Variants in TAFA2 observed in about 807,000 individuals in gnomAD.
The protein encoded by TAFA2 is chemokine-like protein TAFA-2.
Under a neutral mutation model 18.8 loss-of-function variants are expected in TAFA2, and 7 were observed. That is an observed-to-expected ratio of 0.37 (90% confidence interval 0.21 to 0.70). The LOEUF (loss-of-function observed/expected upper bound fraction) is 0.70, where lower values mean the gene tolerates loss of function less well. TAFA2 is among the 30% of genes least tolerant of loss of function. The probability of loss-of-function intolerance (pLI) is 0.53; values close to 1 mark genes in which losing one functional copy is unlikely to be tolerated. For missense variants in TAFA2, 122 were observed against 158.1 expected, an observed-to-expected ratio of 0.77 and a Z score of 1.23; for synonymous variants, 60 against 54.2, an observed-to-expected ratio of 1.11 and a Z score of -0.47.
At chr12:61,922,897 C>T (rs555878225) in intron 1 of TAFA2, among the ~76,000 whole-genome samples, 10 of 152,246 alleles carry the variant, frequency 6.6e-5, no homozygotes, top group South Asian at 4.1e-4. Flanking sequence ...CTGGGACGCT[C>T]GAGCTTGGTG....
intron 2 of TAFA2, among the ~76,000 whole-genome samples, chr12:61,795,231 T>C (rs1341441323): frequency 3.9e-5 from 6 of 152,258 alleles, no homozygotes; most frequent in Admixed American, 6.5e-5. Context: ...CATTACTGGG[T>C]ATATACCCAA....
At chr12:62,115,378 G>A (rs550829096) in intron 1 of TAFA2, among the ~76,000 whole-genome samples, 1 of 152,008 alleles carries the variant, frequency 6.6e-6, no homozygotes, top group African/African-American at 2.4e-5. Flanking sequence ...ATATTACAGC[G>A]CTATGGTAAG....
At chr12:62,027,320 T>A (rs571205807) in intron 1 of TAFA2, among the ~76,000 whole-genome samples, 1 of 152,174 alleles carries the variant, frequency 6.6e-6, no homozygotes, top group South Asian at 2.1e-4. Flanking sequence ...AACATAATAT[T>A]CACAGTCAAA....
At chr12:61,756,893 G>A (rs754713153) in intron 2 of TAFA2, among the ~76,000 whole-genome samples, 10 of 152,070 alleles carry the variant, frequency 6.6e-5, no homozygotes, top group African/African-American at 1.2e-4. Context: ...AGGTCATGAA[G>A]TAGGGGGAAG....
chr12:61,894,138 T>A (rs1311411164), intron 1 of TAFA2, among the ~76,000 whole-genome samples: 3 of 152,252 alleles, frequency 2.0e-5, no homozygotes, highest in Non-Finnish European at 2.9e-5. Context: ...ATAGTATTTA[T>A]CTTAGTTTCC....
chr12:62,024,102 T>A (rs186621774), intron 1 of TAFA2, among the ~76,000 whole-genome samples: 1 of 152,304 alleles, frequency 6.6e-6, no homozygotes, highest in Admixed American at 6.5e-5. Context: ...CATTTGGAGA[T>A]ATTTTCTGCA....
chr12:61,880,322 AC>A, intron 1 of TAFA2: 1 of 484,514 alleles, frequency 2.1e-6, no homozygotes. Flanking sequence ...CCTGGAGGCC[AC>A]CATCACAGAT....
chr12:61,747,552 C>T (rs1279873391), intron 4 of TAFA2, among the ~76,000 whole-genome samples: 3 of 150,452 alleles, frequency 2.0e-5, no homozygotes, highest in South Asian at 2.1e-4. Flanking sequence ...ATGATGAGTT[C>T]ATGTCCTTTG....
intron 2 of TAFA2, among the ~76,000 whole-genome samples, chr12:61,791,403 T>C (rs141284705): frequency 1.5e-3 from 223 of 151,560 alleles, no homozygotes; most frequent in African/African-American, 5.0e-3. Context: ...AGCTTCAGCA[T>C]AGCAATGGAA....
intron 1 of TAFA2, chr12:61,879,521 T>C (rs1161693924): frequency 2.8e-6 from 2 of 711,670 alleles, no homozygotes; most frequent in African/African-American, 3.5e-5. Context: ...GCTGTCATGG[T>C]CAACCAGAGC....
intron 1 of TAFA2, among the ~76,000 whole-genome samples, chr12:62,150,653 A>G (rs1329382669): frequency 6.6e-6 from 1 of 152,172 alleles, no homozygotes; most frequent in Non-Finnish European, 1.5e-5. Flanking sequence ...CTGTAATCAC[A>G]GCACTTTGGG....
At chr12:62,031,940 T>G (rs2136746983) in intron 1 of TAFA2, among the ~76,000 whole-genome samples, 1 of 152,330 alleles carries the variant, frequency 6.6e-6, no homozygotes, top group South Asian at 2.1e-4. Context: ...AGCTAGTATA[T>G]TATGAGAAAT....
At chr12:62,178,545 C>T (rs924901171) in intron 1 of TAFA2, among the ~76,000 whole-genome samples, 3 of 152,172 alleles carry the variant, frequency 2.0e-5, no homozygotes, top group Non-Finnish European at 4.4e-5. Flanking sequence ...TGGCAAAAGA[C>T]ACAAGATTCC....
chr12:62,248,054 T>G (rs751025499), intron 1 of TAFA2, among the ~76,000 whole-genome samples: 9 of 152,208 alleles, frequency 5.9e-5, no homozygotes, highest in Non-Finnish European at 1.3e-4. Context: ...ATGGACACAT[T>G]GAAAGGTGAG....
At chr12:62,009,065 G>C (rs1268056052) in intron 1 of TAFA2, among the ~76,000 whole-genome samples, 1 of 152,174 alleles carries the variant, frequency 6.6e-6, no homozygotes, top group Non-Finnish European at 1.5e-5. Context: ...TTTAGCCCAT[G>C]TAAGTCATTT....
Position 61,760,897 on chromosome 12 carries a change from T to G in TAFA2, c.107-5873A>C, listed in dbSNP as rs115432169. Among the ~76,000 whole-genome samples the G allele has an allele frequency of 5.4e-3, 814 of 151,850 alleles. 10 individuals carry two copies. Among genetic ancestry groups the G allele is most frequent in the African/African-American group, 0.019 (777 of 41,344 alleles). On this transcript the variant is annotated intron_variant, in intron 2 of 4. Coordinates refer to ENST00000416284, the MANE Select transcript of TAFA2 (RefSeq NM_178539.5). ...AAAAAAAAAAAAAAAATTCTGAAAT[T>G]TTTCCTCCATGGACGTGATGCATAA...
At chr12:62,248,105 C>T (rs114822104) in intron 1 of TAFA2, among the ~76,000 whole-genome samples, 1 of 152,106 alleles carries the variant, frequency 6.6e-6, no homozygotes, top group African/African-American at 2.4e-5. Flanking sequence ...AGAAAAAAGG[C>T]GGTCCTTTCA....
intron 1 of TAFA2, among the ~76,000 whole-genome samples, chr12:61,883,408 C>T (rs567671159): frequency 4.9e-4 from 74 of 152,174 alleles, no homozygotes; most frequent in Admixed American, 1.4e-3. Context: ...AAGGAAAATG[C>T]GGCTGCTTAC....
At chr12:62,024,139 C>T (rs1332180508) in intron 1 of TAFA2, among the ~76,000 whole-genome samples, 3 of 152,170 alleles carry the variant, frequency 2.0e-5, no homozygotes, top group African/African-American at 4.8e-5. Flanking sequence ...CCCCTCTCAT[C>T]CCAACAAAAT....
Sources: allele counts gnomAD v4.1 joint callset (sites outside exome capture counted in the v4.1 genomes callset), GRCh38; gene constraint gnomAD v4.1.1; transcripts MANE v1.5; gene names NCBI Gene and HGNC (gene_info 2026-07-23, HGNC 2026-07-21).